The following PCOLCE2 variants were observed in gnomAD, a reference collection of about 807,000 sequenced individuals.
PCOLCE2 encodes procollagen C-proteinase enhancer 2.
PCOLCE2 carries 42 observed loss-of-function variants against 47.0 expected under a neutral mutation model. The observed-to-expected ratio is 0.89, with a 90% confidence interval of 0.70 to 1.16. The LOEUF (loss-of-function observed/expected upper bound fraction) is 1.16, where lower values mean the gene tolerates loss of function less well. PCOLCE2 is among the 50% of genes most tolerant of loss of function. The probability of loss-of-function intolerance (pLI) is 0.00; values close to 1 mark genes in which losing one functional copy is unlikely to be tolerated. For synonymous variants in PCOLCE2, 169 were observed against 191.7 expected (o/e 0.88, Z 0.98); for missense variants, 500 against 526.1 (o/e 0.95, Z 0.49).
At chr3:142,843,886 T>C (rs1047014355) in intron 3 of PCOLCE2, among the ~76,000 whole-genome samples, 16 of 152,170 alleles carry the variant, frequency 1.1e-4, no homozygotes, top group Non-Finnish European at 2.1e-4. Flanking sequence ...TAATGTATTA[T>C]AAAAATGGAG....
intron 2 of PCOLCE2, chr3:142,887,176 TA>T (rs980123971): frequency 6.6e-6 from 1 of 152,554 alleles, no homozygotes; most frequent in Admixed American, 6.5e-5. Context: ...TCTCTATTCT[TA>T]GACTGCCTTT....
intron 5 of PCOLCE2, among the ~76,000 whole-genome samples, chr3:142,838,191 T>C (rs917478633): frequency 2.0e-5 from 3 of 152,284 alleles, no homozygotes; most frequent in African/African-American, 7.2e-5. Flanking sequence ...TTGACACTCC[T>C]GTTAATGTTG....
intron 8 of PCOLCE2, 95 bp downstream of exon 8, chr3:142,820,783 G>A (rs572417642): frequency 9.8e-7 from 1 of 1,025,184 alleles, no homozygotes; most frequent in East Asian, 2.4e-5. Flanking sequence ...GCAAGAAGTG[G>A]GCAACATATT....
intron 4 of PCOLCE2, among the ~76,000 whole-genome samples, chr3:142,840,470 A>G (rs999492463): frequency 1.3e-5 from 2 of 152,226 alleles, no homozygotes; most frequent in South Asian, 4.1e-4. Context: ...TTCAGGGAAG[A>G]TAAAGGACAT....
rs189243840 is a variant in PCOLCE2 at position 142,874,137 on chromosome 3, G to A, written c.192+13532C>T. Among the ~76,000 whole-genome samples, 98 of 152,224 alleles carry A rather than the reference G, an allele frequency of 6.4e-4. 1 individual carries two copies. Among genetic ancestry groups the A allele is most frequent in the African/African-American group, 9.6e-4 (40 of 41,524 alleles). The stretch of plus-strand genomic sequence containing the variant: ...TGTTGCCAGGCTGGAGTGCAGTGGC[G>A]CAATCTTGGCTCACTGCAACCTCCA... On this transcript the variant is annotated intron_variant, in intron 2 of 8. Transcript: ENST00000295992.
chr3:142,888,789 G>A, intron 1 of PCOLCE2, 25 bp downstream of exon 1: 4 of 1,402,728 alleles, frequency 2.9e-6, no homozygotes, highest in South Asian at 1.5e-5. Flanking sequence ...GGAGAGAAAG[G>A]GAGCCCGGGC....
chr3:142,841,024 G>A lies in PCOLCE2; in HGVS notation c.573+1900C>T, dbSNP rs191653842. 2.3e-3 allele frequency among the ~76,000 whole-genome samples: 328 copies of A among 142,570 alleles called. 1 individual carries two copies. The highest frequency in any genetic ancestry group is 8.1e-3 in the African/African-American group (307 of 37,742). The allele number at this position is 142,570 out of a possible 152,430, so 93.5% of individuals were successfully genotyped here. On this transcript the variant is annotated intron_variant, in intron 4 of 8. Transcript: ENST00000295992. ...CGGGAGGTGGAAGTTGCAGTGAGCC[G>A]AAATCGCACCACTGCACTCCAGCCT...
intron 2 of PCOLCE2, among the ~76,000 whole-genome samples, chr3:142,865,754 A>C (rs1933271305): frequency 6.6e-6 from 1 of 152,256 alleles, no homozygotes; most frequent in African/African-American, 2.4e-5. Flanking sequence ...TTATATAAAT[A>C]TGTCAACAAA....
At chr3:142,865,467 GA>G (rs1933267496) in intron 2 of PCOLCE2, among the ~76,000 whole-genome samples, 2 of 152,102 alleles carry the variant, frequency 1.3e-5, no homozygotes, top group African/African-American at 4.8e-5. Flanking sequence ...GAGAGGCAAG[GA>G]ACCCCTTACA....
chr3:142,843,089 T>C (rs762090533), intron 3 of PCOLCE2, 41 bp from the exon 4 acceptor site: 5 of 1,600,178 alleles, frequency 3.1e-6, no homozygotes, highest in Non-Finnish European at 4.3e-6. Context: ...CAAGTTTATG[T>C]AGGTTACAGC....
In PCOLCE2 at chr3:142,823,574, G is replaced by C. The variant is rs749513617; in HGVS notation, c.907C>G (p.Arg303Gly). 51 of 1,610,580 alleles carry C rather than the reference G, an allele frequency of 3.2e-5. No homozygotes were observed. The highest frequency in any genetic ancestry group is 1.6e-4 in the Middle Eastern group (1 of 6,078). ...TAATTGCCCTCCAGAGTCCCCGTCC[G>C]TCTACACTTTTGTTGACACAAGGCC... ...TVALCQQKCR[R>G]TGTLEGNYCS... is the part of the protein sequence containing the mutation. The change falls in exon 7 of 9, where the codon CGG becomes GGG. Residue 303 changes from arginine (R) to glycine (G), a missense_variant. Transcript: ENST00000295992.
intron 2 of PCOLCE2, among the ~76,000 whole-genome samples, chr3:142,849,259 T>G (rs1236341699): frequency 1.3e-5 from 2 of 152,208 alleles, no homozygotes; most frequent in Non-Finnish European, 2.9e-5. Context: ...TTGGCAATTG[T>G]GTAGTTAATT....
Position 142,888,870 on chromosome 3 carries a change from T to G in PCOLCE2, c.27A>C (p.Pro9=). The change falls in exon 1 of 9, where the codon CCA becomes CCC. Residue 9 remains proline, a synonymous_variant. Transcript: ENST00000295992. MRGANAWA[P]LCLLLAAATQ... ...TGGCGGCAGCCAGCAGCAGGCAGAGTGGCGCCCAGGCGTTCGCGCCCCTCA... is the reference window on the plus strand; with the variant it reads ...TGGCGGCAGCCAGCAGCAGGCAGAGGGGCGCCCAGGCGTTCGCGCCCCTCA... The G allele has an allele frequency of 6.5e-7, 1 of 1,545,268 alleles. No homozygotes were observed. Among genetic ancestry groups the G allele is most frequent in the Non-Finnish European group, 8.7e-7 (1 of 1,148,736 alleles).
rs1009388961 is a variant in PCOLCE2, at chr3:142,827,135, A to G, written c.865+2557T>C. On this transcript the variant is annotated intron_variant, in intron 6 of 8. Coordinates refer to ENST00000295992, the MANE Select transcript of PCOLCE2 (RefSeq NM_013363.4). ...CCTGCACAGTCTTGGTTCCCCAGAG[A>G]CGTCCAGTCTGGCGGGCAGCAATGA... 9 of 1,446,448 alleles carry G rather than the reference A, an allele frequency of 6.2e-6. No individual in the cohort carries two copies. The African/African-American group carries it at 1.3e-4, about 20-fold the overall frequency. 89.6% of individuals were successfully genotyped at this position (1,446,448 alleles called of 1,614,324 possible). A position where few individuals can be genotyped will look rare whatever the true frequency, so the allele number is the denominator to read the frequency against.
At chr3:142,871,225 C>T (rs1933381644) in intron 2 of PCOLCE2, among the ~76,000 whole-genome samples, 1 of 152,210 alleles carries the variant, frequency 6.6e-6, no homozygotes, top group Non-Finnish European at 1.5e-5. Flanking sequence ...CATTCCCTTA[C>T]CACCTCCATG....
chr3:142,834,087 C>T (rs574692730), intron 5 of PCOLCE2, among the ~76,000 whole-genome samples: 12 of 152,272 alleles, frequency 7.9e-5, no homozygotes, highest in South Asian at 4.1e-4. Context: ...TTCTCTGTGA[C>T]GGGCCCAATC....
intron 3 of PCOLCE2, 29 bp from the exon 4 acceptor site, chr3:142,843,077 C>A (rs747142879): frequency 6.2e-7 from 1 of 1,607,960 alleles, no homozygotes; most frequent in South Asian, 1.1e-5. Flanking sequence ...GAAAAAAGCC[C>A]ACAAGTTTAT....
intron 8 of PCOLCE2, among the ~76,000 whole-genome samples, chr3:142,820,233 GT>G (rs1560128029): frequency 1.3e-5 from 2 of 152,012 alleles, no homozygotes; most frequent in Non-Finnish European, 2.9e-5. Context: ...GAGCTACTGT[GT>G]CTGGCTGGAA....
intron 6 of PCOLCE2, chr3:142,827,465 G>A (rs1937095841): frequency 6.5e-7 from 1 of 1,535,538 alleles, no homozygotes; most frequent in Non-Finnish European, 9.0e-7. Flanking sequence ...GGAGATAGCA[G>A]TGGCATAGTT....
Sources: allele counts gnomAD v4.1 joint callset (sites outside exome capture counted in the v4.1 genomes callset), GRCh38; gene constraint gnomAD v4.1.1; transcripts MANE v1.5; gene names NCBI Gene and HGNC (gene_info 2026-07-23, HGNC 2026-07-21).